OTULIN: variants seen among roughly 807,000 people sequenced by gnomAD.
OTULIN encodes OTU deubiquitinase with linear linkage specificity.
OTULIN carries 15 observed loss-of-function variants against 39.6 expected under a neutral mutation model. The ratio of observed to expected loss-of-function variants is 0.38; its 90% CI spans 0.25 to 0.58. The LOEUF (loss-of-function observed/expected upper bound fraction) is 0.58, where lower values mean the gene tolerates loss of function less well. OTULIN is among the 20% of genes least tolerant of loss of function. The probability of loss-of-function intolerance (pLI) is 0.66; values close to 1 mark genes in which losing one functional copy is unlikely to be tolerated. For synonymous variants in OTULIN, 156 were observed against 170.3 expected, an observed-to-expected ratio of 0.92 and a Z score of 0.65; for missense variants, 319 against 445.9, an observed-to-expected ratio of 0.72 and a Z score of 2.56.
chr5:14,705,604 C>T, the OTULIN span: 1 of 152,412 alleles, frequency 6.6e-6, no homozygotes, highest in African/African-American at 2.4e-5. Context: ...CTCCTTGGCC[C>T]TACTAGCTTT....
chr5:14,713,695 G>C, the OTULIN span: 1 of 1,612,372 alleles, frequency 6.2e-7, no homozygotes, highest in Non-Finnish European at 8.5e-7. This position sits in a 1 kb window ranked among gnomAD's most constrained non-coding sequence, Gnocchi z 4.4. Flanking sequence ...GGACTCGTCA[G>C]CCGTGCCCGC....
chr5:14,700,505 C>T (rs774953520), downstream of OTULIN, among the ~76,000 whole-genome samples: 1 of 152,020 alleles, frequency 6.6e-6, no homozygotes, highest in Non-Finnish European at 1.5e-5. Context: ...AGGGGTGAGC[C>T]GGCCAAGGCA....
At position 14,699,470 on chromosome 5, in the gene OTULIN, A is replaced by G. The variant is rs899286568; in HGVS notation, c.*6422A>G. 11 of 152,228 alleles carry G rather than the reference A, an allele frequency of 7.2e-5. No individual in the cohort carries two copies. Among genetic ancestry groups the G allele is most frequent in the African/African-American group, 2.7e-4 (11 of 41,432 alleles). The allele number at this position is 152,228 out of a possible 1,614,324, so 9.4% of individuals were successfully genotyped here. A position where few individuals can be genotyped will look rare whatever the true frequency, so the allele number is the denominator to read the frequency against. ...AAAGACCTCCCCACTGTGAACAACA[A>G]ACCACTTTCCTCCTCCAGTGGCCCA... On this transcript the variant is annotated 3_prime_UTR_variant, in exon 7 of 7. Transcript: ENST00000284274.
the OTULIN span, chr5:14,710,083 C>G: frequency 6.6e-6 from 1 of 152,116 alleles, no homozygotes; most frequent in Admixed American, 6.5e-5. Context: ...CACATAGTGA[C>G]TCTGGTATCG....
Position 14,687,506 on chromosome 5 carries a change from T to A in OTULIN, c.469-15T>A, listed in dbSNP as rs760524239. The stretch of plus-strand genomic sequence containing the variant: ...TGTTAACACTTCTTTATCTCTTTGT[T>A]TCTCGATGTTGTAGTTACCAGAAAA... On this transcript the variant is annotated splice_polypyrimidine_tract_variant and intron_variant, in intron 4 of 6. Transcript: ENST00000284274. The A allele has an allele frequency of 2.5e-6, 4 of 1,608,660 alleles. No homozygotes were observed. The Admixed American group carries it at 6.8e-5, about 27-fold the overall frequency.
At chr5:14,665,625 C>T (rs1303620354) in intron 1 of OTULIN, among the ~76,000 whole-genome samples, 1 of 152,100 alleles carries the variant, frequency 6.6e-6, no homozygotes, top group East Asian at 1.9e-4. Flanking sequence ...TCGAGTGAAA[C>T]TTTTCTACAC....
At chr5:14,704,466 C>A (rs1736882271), downstream of OTULIN, among the ~76,000 whole-genome samples, 1 of 151,792 alleles carries the variant, frequency 6.6e-6, no homozygotes, top group African/African-American at 2.4e-5. Flanking sequence ...CAAACACTTG[C>A]TTCATTTTGG....
Position 14,664,875 on chromosome 5 carries a change from G to A in OTULIN, c.50G>A (p.Cys17Tyr). 1 of 1,196,670 alleles carries A rather than the reference G, an allele frequency of 8.4e-7. No homozygotes were observed. Among genetic ancestry groups the A allele is most frequent in the Non-Finnish European group, 1.0e-6 (1 of 965,586 alleles). The allele number at this position is 1,196,670 out of a possible 1,614,324, so 74.1% of individuals were successfully genotyped here. A position where few individuals can be genotyped will look rare whatever the true frequency, so the allele number is the denominator to read the frequency against. Reference sequence around the variant, plus strand: ...CCCGAAGCGTGGCCAGGCGCGAGCTGCGCCGAGACGCCGGCGCGGGAGGCG... The same window carrying A: ...CCCGAAGCGTGGCCAGGCGCGAGCTACGCCGAGACGCCGGCGCGGGAGGCG... ...PQPEAWPGASCAETPAREAAA... is the reference protein window; with the variant it reads ...PQPEAWPGASYAETPAREAAA... The change falls in exon 1 of 7, where the codon TGC becomes TAC. Residue 17 changes from cysteine to tyrosine, a missense_variant. This residue lies in a region of OTULIN where 132 missense variants were observed against 143.7 expected (regional missense o/e 0.92). Coordinates refer to ENST00000284274, the MANE Select transcript of OTULIN (RefSeq NM_138348.6).
At chr5:14,673,570 G>A (rs900755286) in intron 1 of OTULIN, 72 bp from the exon 2 acceptor site, 51 of 1,309,964 alleles carry the variant, frequency 3.9e-5, no homozygotes, top group Non-Finnish European at 5.4e-5. Flanking sequence ...GCATTTGTAA[G>A]CAGCTGTATA....
At chr5:14,667,279 C>T (rs1008543487) in intron 1 of OTULIN, among the ~76,000 whole-genome samples, 6 of 152,224 alleles carry the variant, frequency 3.9e-5, no homozygotes, top group Non-Finnish European at 8.8e-5. Flanking sequence ...CTAGGTAGCA[C>T]ACTAGGTTAC....
rs139848059 is a variant in OTULIN, at chr5:14,664,879, C to T, written c.54C>T (p.Ala18=). The T allele has an allele frequency of 6.4e-5, 76 of 1,194,062 alleles. No individual in the cohort carries two copies. The East Asian group carries it at 2.7e-3, about 42-fold the overall frequency. 74.0% of individuals were successfully genotyped at this position (1,194,062 alleles called of 1,614,324 possible). Residue 18 remains alanine, a synonymous_variant, in exon 1 of 7, where the codon GCC becomes GCT. Coordinates refer to ENST00000284274, the MANE Select transcript of OTULIN (RefSeq NM_138348.6). ...QPEAWPGASC[A]ETPAREAAAT... Reference sequence around the variant, plus strand: ...AAGCGTGGCCAGGCGCGAGCTGCGCCGAGACGCCGGCGCGGGAGGCGGCGG... The same window carrying T: ...AAGCGTGGCCAGGCGCGAGCTGCGCTGAGACGCCGGCGCGGGAGGCGGCGG...
At chr5:14,687,752 G>T in intron 5 of OTULIN, 106 bp downstream of exon 5, 1 of 1,406,702 alleles carries the variant, frequency 7.1e-7, no homozygotes, top group South Asian at 1.6e-5. Flanking sequence ...AAATGCTCTT[G>T]GCTGATTTTT....
intron 1 of OTULIN, among the ~76,000 whole-genome samples, chr5:14,668,381 G>A (rs1398198280): frequency 2.0e-5 from 3 of 152,214 alleles, no homozygotes; most frequent in East Asian, 1.9e-4. Flanking sequence ...TGAGCCAGTC[G>A]TGGAAAGTCC....
chr5:14,712,484 G>T, the OTULIN span, among the ~76,000 whole-genome samples: 5 of 152,240 alleles, frequency 3.3e-5, no homozygotes, highest in East Asian at 7.7e-4. Flanking sequence ...GTCTTGGACT[G>T]CCCAGTCCTT....
At chr5:14,678,835 A>G in intron 3 of OTULIN, 60 bp downstream of exon 3, 3 of 1,136,234 alleles carry the variant, frequency 2.6e-6, no homozygotes, top group Middle Eastern at 4.0e-4. Context: ...AAGTTGTTTA[A>G]TATGTCATTT....
intron 2 of OTULIN, among the ~76,000 whole-genome samples, chr5:14,677,993 C>T (rs1736148333): frequency 6.6e-6 from 1 of 152,178 alleles, no homozygotes; most frequent in Non-Finnish European, 1.5e-5. Context: ...AGAAACAAAA[C>T]AAAGTCCCTG....
At chr5:14,700,820 C>T (rs1561008692), downstream of OTULIN, among the ~76,000 whole-genome samples, 1 of 152,150 alleles carries the variant, frequency 6.6e-6, no homozygotes, top group African/African-American at 2.4e-5. Context: ...AGACCTTCTC[C>T]TACCCCTGGT....
chr5:14,673,251 AAATATT>A (rs1736022142), intron 1 of OTULIN, among the ~76,000 whole-genome samples: 1 of 152,200 alleles, frequency 6.6e-6, no homozygotes, highest in African/African-American at 2.4e-5. Flanking sequence ...ATTCCTATAT[AAATATT>A]TTTATCAGCA....
chr5:14,704,572 A>G (rs1736884831), downstream of OTULIN, among the ~76,000 whole-genome samples: 1 of 152,200 alleles, frequency 6.6e-6, no homozygotes, highest in African/African-American at 2.4e-5. Context: ...ATTTTAATGC[A>G]GAATAAAATC....
Sources: allele counts gnomAD v4.1 joint callset (sites outside exome capture counted in the v4.1 genomes callset), GRCh38; gene constraint gnomAD v4.1.1; regional missense constraint gnomAD v4.1.1; non-coding constraint Gnocchi (gnomAD v3.1); transcripts MANE v1.5; gene names NCBI Gene and HGNC (gene_info 2026-07-23, HGNC 2026-07-21).